MAP3K15: variants seen among roughly 807,000 people sequenced by gnomAD.
The protein encoded by MAP3K15 is MAPK/ERK kinase kinase 15.
Under a neutral mutation model 99.5 loss-of-function variants are expected in MAP3K15, and 124 were observed. The observed-to-expected ratio is 1.25, with a 90% CI of 1.08 to 1.45. The LOEUF (loss-of-function observed/expected upper bound fraction) is 1.45, where lower values mean the gene tolerates loss of function less well. Among genes scored for constraint, MAP3K15 ranks in the 40% most tolerant of loss-of-function variants. The pLI is 0.00. For synonymous variants in MAP3K15, 494 were observed against 439.6 expected, an observed-to-expected ratio of 1.12 and a Z score of -1.55; for missense variants, 1,242 against 1,079.7, an observed-to-expected ratio of 1.15 and a Z score of -2.11.
intron 3 of MAP3K15, among the ~76,000 whole-genome samples, chrX:19,483,538 A>G (rs140291328): frequency 0.011 from 1,175 of 109,103 alleles, 45 homozygotes; most frequent in Admixed American, 0.097. Flanking sequence ...CCCCTTATTT[A>G]TAAGACTTCA....
Position 19,488,855 on chromosome X carries a change from G to A in MAP3K15, c.474C>T (p.Thr158=), listed in dbSNP as rs773245724. 26 of 1,197,261 alleles carry A rather than the reference G, an allele frequency of 2.2e-5. No homozygotes were observed. Among genetic ancestry groups the A allele is most frequent in the Middle Eastern group, 2.3e-4 (1 of 4,353 alleles). The change falls in exon 2 of 29, where the codon ACC becomes ACT. Residue 158 remains threonine (T), a synonymous_variant. Coordinates refer to ENST00000338883, the MANE Select transcript of MAP3K15 (RefSeq NM_001001671.4). ...MANNVILYHD[T]DADTALSLKD... ...TCAAAGAGAGAGCAGTGTCGGCATCGGTGTCATGGTACAAGATCACATTAT... is the reference window on the plus strand; with the variant it reads ...TCAAAGAGAGAGCAGTGTCGGCATCAGTGTCATGGTACAAGATCACATTAT...
chrX:19,455,645 C>T, intron 6 of MAP3K15, among the ~76,000 whole-genome samples: 1 of 105,864 alleles, frequency 9.4e-6, no homozygotes. Context: ...CAAGCATGAG[C>T]CACTGCGGCC....
chrX:19,443,791 C>T (rs2063976900), intron 6 of MAP3K15, among the ~76,000 whole-genome samples: 1 of 111,300 alleles, frequency 9.0e-6, no homozygotes, highest in Non-Finnish European at 1.9e-5. Flanking sequence ...GGAGTCATTT[C>T]TATTCCTCTT....
intron 18 of MAP3K15, among the ~76,000 whole-genome samples, chrX:19,388,859 T>C (rs938297658): frequency 1.2e-4 from 13 of 111,882 alleles, no homozygotes; most frequent in Admixed American, 1.1e-3. Context: ...AGCATCATTA[T>C]TCGCAGTGGC....
At chrX:19,420,726 AC>A (rs1257965613) in intron 9 of MAP3K15, among the ~76,000 whole-genome samples, 1 of 111,727 alleles carries the variant, frequency 9.0e-6, no homozygotes, top group Admixed American at 9.6e-5. Context: ...CAGAGACACA[AC>A]CAAAAAAGAG....
intron 2 of MAP3K15, among the ~76,000 whole-genome samples, chrX:19,486,974 T>TC (rs1367161218): frequency 1.8e-5 from 2 of 110,782 alleles, no homozygotes; most frequent in African/African-American, 3.3e-5. Context: ...CAGTCAGCCT[T>TC]CCTACAGAAG....
intron 1 of MAP3K15, among the ~76,000 whole-genome samples, chrX:19,514,376 C>T (rs189169305): frequency 9.8e-6 from 1 of 102,454 alleles, no homozygotes; most frequent in African/African-American, 3.6e-5. Context: ...GGGTTACAGG[C>T]TGTTTCTTGG....
At chrX:19,510,366 T>C (rs1269106791) in intron 1 of MAP3K15, among the ~76,000 whole-genome samples, 2 of 112,101 alleles carry the variant, frequency 1.8e-5, no homozygotes, top group South Asian at 3.7e-4. Context: ...GTCGGCTTCA[T>C]CCCTGAATGC....
At chrX:19,439,773 G>T (rs2063946711) in intron 6 of MAP3K15, among the ~76,000 whole-genome samples, 1 of 112,209 alleles carries the variant, frequency 8.9e-6, no homozygotes, top group Non-Finnish European at 1.9e-5. Context: ...CCGGCCTATG[G>T]TATGTAAGTT....
At chrX:19,398,203 G>A in intron 15 of MAP3K15, 23 bp downstream of exon 15, 1 of 1,209,735 alleles carries the variant, frequency 8.3e-7, no homozygotes, top group Non-Finnish European at 1.1e-6. Flanking sequence ...CACCCGAAAT[G>A]CGGAAGGCCC....
intron 6 of MAP3K15, among the ~76,000 whole-genome samples, chrX:19,455,347 C>CT (rs776661644): frequency 0.1 from 9,878 of 94,586 alleles, 1,636 homozygotes; most frequent in African/African-American, 0.37. Context: ...TTTCTTTTTT[C>CT]TTTTTTTTTT....
At chrX:19,487,322 T>C (rs2064335268) in intron 2 of MAP3K15, among the ~76,000 whole-genome samples, 1 of 111,678 alleles carries the variant, frequency 9.0e-6, no homozygotes, top group African/African-American at 3.3e-5. Flanking sequence ...ATCTAGTCCA[T>C]TGAACTTTCC....
chrX:19,511,727 G>C (rs1401889220), intron 1 of MAP3K15, among the ~76,000 whole-genome samples: 2 of 111,900 alleles, frequency 1.8e-5, no homozygotes, highest in Non-Finnish European at 3.8e-5. Flanking sequence ...GTGGGAGTGT[G>C]AATTAGTTCA....
In MAP3K15 at chrX:19,419,012, C is replaced by T. The variant is rs183088326; in HGVS notation, c.1440-3755G>A. Among the ~76,000 whole-genome samples, 328 of 111,837 alleles carry T rather than the reference C, an allele frequency of 2.9e-3. 1 individual carries two copies. Among genetic ancestry groups the T allele is most frequent in the African/African-American group, 0.01 (314 of 30,780 alleles). On this transcript the variant is annotated intron_variant, in intron 9 of 28. Coordinates refer to ENST00000338883, the MANE Select transcript of MAP3K15 (RefSeq NM_001001671.4). ...CTGAGACATTTTCTCACCACCAGGC[C>T]TGCCCTAAAAGAGCTCCTGAAGGAA... is the stretch of plus-strand genomic sequence containing the variant.
intron 6 of MAP3K15, among the ~76,000 whole-genome samples, chrX:19,448,906 C>T (rs2064020037): frequency 1.8e-5 from 2 of 109,471 alleles, no homozygotes; most frequent in Non-Finnish European, 3.9e-5. Flanking sequence ...TTTTTAAAGC[C>T]TCAAATTAAT....
At chrX:19,493,516 A>G (rs1034252292) in intron 1 of MAP3K15, among the ~76,000 whole-genome samples, 1 of 111,707 alleles carries the variant, frequency 9.0e-6, no homozygotes, top group South Asian at 3.7e-4. Context: ...AGAATTCCTA[A>G]AACACGAATT....
At chrX:19,369,665 C>A (rs2063360297) in intron 24 of MAP3K15, among the ~76,000 whole-genome samples, 1 of 111,244 alleles carries the variant, frequency 9.0e-6, no homozygotes, top group Non-Finnish European at 1.9e-5. Context: ...GCCTGTAATC[C>A]CATCACTTTG....
rs866380209 is a variant in MAP3K15 at position 19,398,284 on chromosome X, G to A, written c.2008C>T (p.Arg670Ter). ...ATTCGCACTTGATTGCTCAGATCTC[G>A]GCCAGCATACACAATCCCATACGTG... The part of the protein sequence containing the change: ...KGTYGIVYAG[R>*]DLSNQVRIAI... Residue 670 changes from arginine (R) to a stop codon, truncating the protein, a stop_gained, in exon 15 of 29, where the codon CGA becomes TGA. Transcript: ENST00000338883. LOFTEE classifies it high-confidence loss of function. 14 of 1,210,649 alleles carry A rather than the reference G, an allele frequency of 1.2e-5. No individual in the cohort carries two copies. In the East Asian group the frequency reaches 3.3e-4, roughly 28 times the overall value.
At chrX:19,379,294 C>A (rs752556969) in intron 19 of MAP3K15, among the ~76,000 whole-genome samples, 1 of 101,355 alleles carries the variant, frequency 9.9e-6, no homozygotes, top group Non-Finnish European at 2.0e-5. Context: ...TTTCCTTTTT[C>A]TTTTTTTTTT....
Sources: gnomAD v4.1 joint callset for allele counts (sites outside exome capture counted in the v4.1 genomes callset) on GRCh38, gnomAD v4.1.1 for gene constraint, MANE v1.5 for transcripts, NCBI Gene and HGNC (gene_info 2026-07-23, HGNC 2026-07-21) for gene names.